Variants in NCOA2 observed in about 807,000 individuals in gnomAD.
NCOA2 encodes class E basic helix-loop-helix protein 75.
Under a neutral mutation model 145.1 loss-of-function variants are expected in NCOA2, and 21 were observed. The ratio of observed to expected loss-of-function variants is 0.14; its 90% CI spans 0.10 to 0.21. NCOA2 has a LOEUF of 0.21. Ranked by LOEUF, NCOA2 falls within the 10% of genes least tolerant of loss-of-function variation. The pLI is 1.00. For missense variants in NCOA2, 1,472 were observed against 1,837.6 expected (o/e 0.80, Z 3.64); for synonymous variants, 619 against 637.5 (o/e 0.97, Z 0.44).
intron 2 of NCOA2, among the ~76,000 whole-genome samples, chr8:70,281,030 A>AT (rs1329982138): frequency 2.6e-5 from 4 of 151,950 alleles, no homozygotes; most frequent in African/African-American, 7.3e-5. Context: ...TCTAATGTGA[A>AT]TTAAGCACTG....
intron 1 of NCOA2, among the ~76,000 whole-genome samples, chr8:70,313,991 C>T (rs1388262401): frequency 6.6e-6 from 1 of 151,498 alleles, no homozygotes; most frequent in Non-Finnish European, 1.5e-5. Context: ...TACGGTGAAA[C>T]CCCATCCCTA....
intron 1 of NCOA2, among the ~76,000 whole-genome samples, chr8:70,343,583 G>A (rs535969166): frequency 3.1e-4 from 47 of 151,978 alleles, no homozygotes; most frequent in South Asian, 4.2e-4. Flanking sequence ...AGGCCGAGGC[G>A]GGCAGATCAC....
Position 70,141,333 on chromosome 8 carries a change from G to A in NCOA2, c.2879C>T (p.Ala960Val). ...PSGEWAPQSS[A>V]VRVTCAATTS... ...GGTAGCAGCACAGGTGACTCTCACA[G>A]CCGAACTCTGCGGTGCCCATTCTCC... The change falls in exon 14 of 23, where the codon GCT becomes GTT. Residue 960 changes from alanine to valine, a missense_variant. By Grantham distance (64) the Ala-to-Val change is moderately conservative (BLOSUM62 0). Transcript: ENST00000452400. 6.2e-7 allele frequency: 1 copy of A among 1,613,950 alleles called. No homozygotes were observed. The highest frequency in any genetic ancestry group is 1.3e-5 in the African/African-American group (1 of 75,036).
intron 11 of NCOA2, among the ~76,000 whole-genome samples, chr8:70,154,218 A>C (rs1038769628): frequency 5.3e-5 from 8 of 152,206 alleles, no homozygotes; most frequent in African/African-American, 1.7e-4. Context: ...ACAAACCTTG[A>C]GTCATTTAAA....
chr8:70,191,362 A>G (rs1816652778), intron 4 of NCOA2, among the ~76,000 whole-genome samples: 1 of 152,232 alleles, frequency 6.6e-6, no homozygotes, highest in Admixed American at 6.5e-5. Context: ...CAGGTAATGT[A>G]CAATCACTTC....
intron 2 of NCOA2, among the ~76,000 whole-genome samples, chr8:70,286,403 A>T (rs1366253681): frequency 1.3e-5 from 2 of 152,188 alleles, no homozygotes; most frequent in Non-Finnish European, 2.9e-5. Flanking sequence ...ATATATTTCC[A>T]TCTCTGTTTT....
rs1586686944 is a variant in NCOA2, at chr8:70,398,927, A to T, written c.-77+4773T>A. On this transcript the variant is annotated intron_variant, in intron 1 of 22. Transcript: ENST00000452400. ...TGCCCTAAAAGCTAACAGTATTAGG[A>T]TCTACCTACAGACCACCTAGTCTTT... Among the ~76,000 whole-genome samples, 3 of 152,234 alleles carry T rather than the reference A, an allele frequency of 2.0e-5. No individual in the cohort carries two copies. The South Asian group carries it at 6.2e-4, about 32-fold the overall frequency.
chr8:70,336,262 C>A (rs1008622670), intron 1 of NCOA2, among the ~76,000 whole-genome samples: 1 of 152,140 alleles, frequency 6.6e-6, no homozygotes, highest in Non-Finnish European at 1.5e-5. Context: ...CCTTTATAAT[C>A]TTATGGGACC....
At chr8:70,147,111 C>G (rs998843658) in intron 12 of NCOA2, among the ~76,000 whole-genome samples, 2 of 95,542 alleles carry the variant, frequency 2.1e-5, no homozygotes, top group African/African-American at 1.1e-4. Flanking sequence ...GCAAATCTTT[C>G]GCGCGCGCGC....
chr8:70,451,026 G>C, the NCOA2 span, among the ~76,000 whole-genome samples: 19 of 150,084 alleles, frequency 1.3e-4, no homozygotes, highest in African/African-American at 4.4e-4. Flanking sequence ...GAACAGTCTG[G>C]GTAACATGGT....
At chr8:70,362,994 C>T (rs1411610972) in intron 1 of NCOA2, among the ~76,000 whole-genome samples, 1 of 150,840 alleles carries the variant, frequency 6.6e-6, no homozygotes, top group Admixed American at 6.6e-5. Context: ...GGGAGGATCA[C>T]CTGAGCCCGG....
chr8:70,299,306 G>A (rs375331307), intron 1 of NCOA2, among the ~76,000 whole-genome samples: 2 of 152,138 alleles, frequency 1.3e-5, no homozygotes, highest in Admixed American at 6.5e-5. Context: ...GCTCTGTCCC[G>A]AGAGTTTTCA....
At chr8:70,146,510 T>C (rs1199747412) in intron 12 of NCOA2, among the ~76,000 whole-genome samples, 2 of 152,184 alleles carry the variant, frequency 1.3e-5, no homozygotes, top group African/African-American at 4.8e-5. Flanking sequence ...AAATAAAATA[T>C]TTTAAAAAAT....
chr8:70,412,458 C>G, the NCOA2 span, among the ~76,000 whole-genome samples: 1 of 148,174 alleles, frequency 6.7e-6, no homozygotes, highest in Admixed American at 6.7e-5. Context: ...GACATTTTGT[C>G]TAAAGATCTC....
chr8:70,156,922 C>G lies in NCOA2; in HGVS notation c.1443G>C (p.Gln481His). ...GCCTTGGTGAAAGCATGGAGGTGGG[C>G]TGTCCTGGATTCATGCCAGGGCTGC... ...SQSSPGMNPG[Q>H]PTSMLSPRHR... Residue 481 changes from glutamine (Q) to histidine (H), a missense_variant, in exon 11 of 23, where the codon CAG (glutamine) becomes CAC (histidine). Gln to His is a conservative substitution (Grantham distance 24). This residue lies in a region of NCOA2 where 953 missense variants were observed against 1,062.1 expected (regional missense o/e 0.90). Transcript: ENST00000452400. 2 of 1,614,018 alleles carry G rather than the reference C, an allele frequency of 1.2e-6. No homozygotes were observed. The highest frequency in any genetic ancestry group is 1.7e-6 in the Non-Finnish European group (2 of 1,179,898).
chr8:70,212,868 G>A (rs1019581430), intron 4 of NCOA2, among the ~76,000 whole-genome samples: 1 of 152,086 alleles, frequency 6.6e-6, no homozygotes, highest in African/African-American at 2.4e-5. Context: ...GGTTGCTTGA[G>A]GTCAGGAGTT....
chr8:70,391,323 C>A (rs1046492361), intron 1 of NCOA2, among the ~76,000 whole-genome samples: 1 of 152,178 alleles, frequency 6.6e-6, no homozygotes, highest in Non-Finnish European at 1.5e-5. Flanking sequence ...TTTCTATCCC[C>A]CTCCTTAATC....
chr8:70,136,269 G>A (rs1402647954), intron 15 of NCOA2, among the ~76,000 whole-genome samples: 1 of 152,104 alleles, frequency 6.6e-6, no homozygotes, highest in Non-Finnish European at 1.5e-5. Context: ...GGCTGAGGCA[G>A]GAGAATCACT....
At chr8:70,128,626 T>G (rs1808726362) in intron 17 of NCOA2, 76 bp downstream of exon 17, 6 of 1,592,592 alleles carry the variant, frequency 3.8e-6, no homozygotes, top group Middle Eastern at 1.7e-4. Context: ...GTTGGACAGC[T>G]GTGCTGTCTC....
Sources: allele counts gnomAD v4.1 joint callset (sites outside exome capture counted in the v4.1 genomes callset), GRCh38; gene constraint gnomAD v4.1.1; regional missense constraint gnomAD v4.1.1; transcripts MANE v1.5; gene names NCBI Gene and HGNC (gene_info 2026-07-23, HGNC 2026-07-21).